Variants in PRELID2 observed in about 807,000 individuals in gnomAD.
PRELID2 encodes PRELI domain containing 2.
Under a neutral mutation model 28.4 loss-of-function variants are expected in PRELID2, and 25 were observed. That is an observed-to-expected ratio of 0.88 (90% CI 0.64 to 1.23). The LOEUF is 1.23. Among genes scored for constraint, PRELID2 ranks in the 50% most tolerant of loss-of-function variants. The pLI is 0.00. For missense variants in PRELID2, 201 were observed against 214.4 expected (o/e 0.94, Z 0.39); for synonymous variants, 76 against 71.6 (o/e 1.06, Z -0.31).
intron 1 of PRELID2, among the ~76,000 whole-genome samples, chr5:145,475,277 ACT>A (rs1752090214): frequency 1.3e-5 from 2 of 152,006 alleles, no homozygotes; most frequent in Non-Finnish European, 2.9e-5. Flanking sequence ...TGAAATAGAA[ACT>A]CTTCCCAGTT....
intron 1 of PRELID2, among the ~76,000 whole-genome samples, chr5:145,580,195 C>G (rs1485806523): frequency 6.6e-6 from 1 of 152,010 alleles, no homozygotes; most frequent in Non-Finnish European, 1.5e-5. Context: ...GCCATACATT[C>G]TTGGATAATG....
At chr5:145,268,857 C>T in the PRELID2 span, among the ~76,000 whole-genome samples, 1 of 151,730 alleles carries the variant, frequency 6.6e-6, no homozygotes, top group Admixed American at 6.6e-5. Flanking sequence ...AATATAAAGT[C>T]ATTATAAAAA....
At chr5:145,477,378 T>C (rs1752112861) in intron 1 of PRELID2, among the ~76,000 whole-genome samples, 1 of 152,168 alleles carries the variant, frequency 6.6e-6, no homozygotes, top group Non-Finnish European at 1.5e-5. Flanking sequence ...CATCCTATCC[T>C]ATCCTATGAA....
chr5:145,708,675 C>T (rs1288550272), intron 1 of PRELID2, among the ~76,000 whole-genome samples: 1 of 152,126 alleles, frequency 6.6e-6, no homozygotes, highest in Non-Finnish European at 1.5e-5. Context: ...CCCATTCTTG[C>T]CTGGGGAGAA....
the PRELID2 span, among the ~76,000 whole-genome samples, chr5:145,354,360 C>T: frequency 3.3e-5 from 5 of 152,006 alleles, no homozygotes; most frequent in East Asian, 1.9e-4. Context: ...TGGTGGTGTA[C>T]GATTTTTTTA....
intron 1 of PRELID2, among the ~76,000 whole-genome samples, chr5:145,484,228 T>C (rs144604977): frequency 6.6e-6 from 1 of 152,250 alleles, no homozygotes; most frequent in Non-Finnish European, 1.5e-5. Context: ...GCCTGGACTT[T>C]GAACATATGG....
At chr5:145,469,962 A>T (rs192975259), downstream of PRELID2, among the ~76,000 whole-genome samples, 5 of 152,272 alleles carry the variant, frequency 3.3e-5, no homozygotes, top group East Asian at 7.7e-4. Context: ...ATATATTCAC[A>T]TATATATTAT....
At chr5:145,761,254 GCACCTA>G (rs1757461308) in intron 6 of PRELID2, among the ~76,000 whole-genome samples, 1 of 152,122 alleles carries the variant, frequency 6.6e-6, no homozygotes, top group Non-Finnish European at 1.5e-5. Flanking sequence ...ATTATAAATA[GCACCTA>G]CCCTCTAGCC....
the PRELID2 span, among the ~76,000 whole-genome samples, chr5:145,293,045 C>T: frequency 6.6e-6 from 1 of 152,028 alleles, no homozygotes; most frequent in Non-Finnish European, 1.5e-5. Context: ...ATGGAAAATT[C>T]TCATGAAAAT....
intron 1 of PRELID2, among the ~76,000 whole-genome samples, chr5:145,742,120 T>C (rs1397830440): frequency 9.9e-6 from 1 of 101,104 alleles, no homozygotes; most frequent in Non-Finnish European, 1.9e-5. Context: ...ATAAATAAAA[T>C]TTATTAATTA....
At chr5:145,553,182 AC>A (rs1181624545) in intron 1 of PRELID2, among the ~76,000 whole-genome samples, 5,608 of 106,222 alleles carry the variant, frequency 0.053, 209 homozygotes, top group African/African-American at 0.14. Flanking sequence ...TTGCTAGAGG[AC>A]CCCCCCCCCC....
chr5:145,638,097 C>T (rs1754031704), intron 1 of PRELID2, among the ~76,000 whole-genome samples: 1 of 152,160 alleles, frequency 6.6e-6, no homozygotes, highest in African/African-American at 2.4e-5. Context: ...AGGCCTGAGC[C>T]ACCGCTCCCA....
chr5:145,639,518 G>C (rs1378061350), intron 1 of PRELID2, among the ~76,000 whole-genome samples: 1 of 152,120 alleles, frequency 6.6e-6, no homozygotes, highest in African/African-American at 2.4e-5. Context: ...TAATTACTTT[G>C]GAGTCTTGGG....
At chr5:145,587,533 A>G (rs1251052562) in intron 1 of PRELID2, among the ~76,000 whole-genome samples, 2 of 152,170 alleles carry the variant, frequency 1.3e-5, no homozygotes, top group East Asian at 3.9e-4. Context: ...ATACTAAAAT[A>G]TATCTTTGGG....
chr5:145,806,454 G>A (rs1561631111), intron 4 of PRELID2, among the ~76,000 whole-genome samples: 2 of 152,152 alleles, frequency 1.3e-5, no homozygotes, highest in Non-Finnish European at 2.9e-5. Flanking sequence ...TAACACACAT[G>A]AAGCTGCCAT....
At chr5:145,751,304 T>C (rs1257897029) in intron 1 of PRELID2, among the ~76,000 whole-genome samples, 1 of 152,222 alleles carries the variant, frequency 6.6e-6, no homozygotes, top group Admixed American at 6.5e-5. Context: ...AGGCTGATTC[T>C]GCAGAACATG....
At chr5:145,695,870 G>C (rs535647349) in intron 1 of PRELID2, among the ~76,000 whole-genome samples, 1 of 152,154 alleles carries the variant, frequency 6.6e-6, no homozygotes, top group African/African-American at 2.4e-5. Context: ...TGATCACATA[G>C]ACTGACTCTG....
At chr5:145,412,982 C>T in the PRELID2 span, among the ~76,000 whole-genome samples, 6 of 152,118 alleles carry the variant, frequency 3.9e-5, no homozygotes, top group Admixed American at 3.9e-4. Flanking sequence ...GGGGAAACCA[C>T]CTCCATGATT....
the PRELID2 span, among the ~76,000 whole-genome samples, chr5:145,417,839 G>A: frequency 6.6e-6 from 1 of 152,116 alleles, no homozygotes; most frequent in Admixed American, 6.6e-5. Flanking sequence ...ACCAGCATAA[G>A]GCAAGGATGT....
Sources: gnomAD v4.1 joint callset for allele counts (sites outside exome capture counted in the v4.1 genomes callset) on GRCh38, gnomAD v4.1.1 for gene constraint, MANE v1.5 for transcripts, NCBI Gene and HGNC (gene_info 2026-07-23, HGNC 2026-07-21) for gene names.